NELFCD: variants seen among roughly 807,000 people sequenced by gnomAD.
NELFCD encodes the protein negative elongation factor complex member C/D, also known as negative elongation factor C/D.
In NELFCD, 48 loss-of-function variants were observed where a neutral mutation model predicts 72.9. That is an observed-to-expected ratio of 0.66 (90% CI 0.52 to 0.84). The LOEUF (loss-of-function observed/expected upper bound fraction) is 0.84. NELFCD is among the 40% of genes least tolerant of loss of function. The pLI, the probability that NELFCD is intolerant of heterozygous loss-of-function variation, is 0.00. For missense variants in NELFCD, 538 were observed against 723.8 expected, an observed-to-expected ratio of 0.74 and a Z score of 2.94; for synonymous variants, 297 against 280.6, an observed-to-expected ratio of 1.06 and a Z score of -0.59.
Position 58,991,682 on chromosome 20 carries a change from C to T in NELFCD, c.1090-199C>T, listed in dbSNP as rs917520138. ...TGACTAAAGAAATGAAACTGATTTCCGTAAGACATGGACAAACACTAGTCT... is the reference window on the plus strand; with the variant it reads ...TGACTAAAGAAATGAAACTGATTTCTGTAAGACATGGACAAACACTAGTCT... On this transcript the variant is annotated intron_variant, in intron 9 of 14. Coordinates refer to ENST00000652272, the MANE Select transcript of NELFCD (RefSeq NM_198976.4). 2.1e-5 allele frequency: 16 copies of T among 744,192 alleles called. 1 individual carries two copies. Among genetic ancestry groups the T allele is most frequent in the South Asian group, 1.7e-4 (9 of 52,134 alleles). The allele number at this position is 744,192 out of a possible 1,614,324, so 46.1% of individuals were successfully genotyped here.
chr20:58,994,265 C>G (rs2091840915), intron 14 of NELFCD, 26 bp downstream of exon 14: 1 of 1,608,946 alleles, frequency 6.2e-7, no homozygotes, highest in African/African-American at 1.3e-5. Context: ...TAGCCCTTTA[C>G]TACAATAGAA....
chr20:58,994,360 T>G, intron 14 of NELFCD, 121 bp downstream of exon 14: 1 of 1,040,166 alleles, frequency 9.6e-7, no homozygotes, highest in Non-Finnish European at 1.4e-6. Context: ...GGTTGGGAGT[T>G]CAAGACCAGC....
chr20:58,986,631 C>T lies in NELFCD; in HGVS notation c.177-123C>T. 1 of 774,864 alleles carries T rather than the reference C, an allele frequency of 1.3e-6. No individual in the cohort carries two copies. Among genetic ancestry groups the T allele is most frequent in the Non-Finnish European group, 2.4e-6 (1 of 424,524 alleles). 48.0% of individuals were successfully genotyped at this position (774,864 alleles called of 1,614,324 possible). ...GTGCTGGGATTACAGGTGTGCACCA[C>T]TGCACCCAGCCCCCTCCGCTGCTTT... On this transcript the variant is annotated intron_variant, in intron 2 of 14. Coordinates refer to ENST00000652272, the MANE Select transcript of NELFCD (RefSeq NM_198976.4). The surrounding 1 kb of genome is among the most constrained non-coding windows in gnomAD (Gnocchi z 4.4).
rs35963878 is a variant in NELFCD, at chr20:58,991,359, A to G, written c.1002A>G (p.Lys334=). The part of the protein sequence containing the change: ...FLDLFMQSLF[K]PGARINQDHK... The stretch of plus-strand genomic sequence containing the variant: ...ACCTGTTCATGCAGTCACTCTTTAA[A>G]CCAGGGGCTCGGATCAACCAGGACC... The change falls in exon 9 of 15, where the codon AAA becomes AAG. Residue 334 remains lysine, a synonymous_variant. Coordinates refer to ENST00000652272, the MANE Select transcript of NELFCD (RefSeq NM_198976.4). 9.9e-4 allele frequency: 1,603 copies of G among 1,614,094 alleles called. 1 individual carries two copies. Among genetic ancestry groups the G allele is most frequent in the Non-Finnish European group, 1.3e-3 (1,512 of 1,180,034 alleles).
intron 1 of NELFCD, among the ~76,000 whole-genome samples, chr20:58,984,622 A>C (rs12480267): frequency 0.12 from 17,961 of 152,188 alleles, 1,149 homozygotes; most frequent in Middle Eastern, 0.18. Context: ...TTGTAGGAAG[A>C]AGATCTGTTT....
Position 58,989,995 on chromosome 20 carries a change from G to A in NELFCD, c.788+7G>A. On this transcript the variant is annotated splice_region_variant and intron_variant, in intron 7 of 14. Coordinates refer to ENST00000652272, the MANE Select transcript of NELFCD (RefSeq NM_198976.4). Reference sequence around the variant, plus strand: ...AGCGCTTTGCCCAGGAGAAGTGAGAGGCCCTGTTTCTGCTCAGCCCTTCCT... The same window carrying A: ...AGCGCTTTGCCCAGGAGAAGTGAGAAGCCCTGTTTCTGCTCAGCCCTTCCT... The A allele has an allele frequency of 6.2e-7, 1 of 1,611,360 alleles. No individual in the cohort carries two copies. Among genetic ancestry groups the A allele is most frequent in the Non-Finnish European group, 8.5e-7 (1 of 1,179,942 alleles).
chr20:58,991,564 T>C, intron 9 of NELFCD, 118 bp downstream of exon 9: 1 of 1,173,770 alleles, frequency 8.5e-7, no homozygotes, highest in Non-Finnish European at 1.2e-6. Context: ...ATCAGGCATG[T>C]GTTTTCTTGT....
chr20:58,989,372 G>T, intron 5 of NELFCD, 116 bp from the exon 6 acceptor site: 2 of 1,255,114 alleles, frequency 1.6e-6, no homozygotes, highest in South Asian at 2.7e-5. Context: ...GTGAAGGCCT[G>T]AGACCCACGA....
At chr20:58,983,385 C>T (rs1356137106) in intron 1 of NELFCD, among the ~76,000 whole-genome samples, 1 of 151,810 alleles carries the variant, frequency 6.6e-6, no homozygotes, top group African/African-American at 2.4e-5. Context: ...ATCCGCCTGC[C>T]CCGGCCTCCC....
At chr20:58,988,877 C>A in intron 4 of NELFCD, 37 bp from the exon 5 acceptor site, 1 of 1,450,100 alleles carries the variant, frequency 6.9e-7, no homozygotes, top group Non-Finnish European at 9.7e-7. Context: ...AAAAGTGGGG[C>A]CTCCTCCTAT....
Position 58,981,330 on chromosome 20 carries a change from G to C in NELFCD, c.21G>C (p.Gly7=), listed in dbSNP as rs774385373. Residue 7 remains glycine, a synonymous_variant, in exon 1 of 15, where the codon GGG becomes GGC. Coordinates refer to ENST00000652272, the MANE Select transcript of NELFCD (RefSeq NM_198976.4). The stretch of plus-strand genomic sequence containing the variant: ...CCATCATGGACGAGGACTACTACGG[G>C]AGCGCGGCCGAGTGGGGCGACGAGG... MDEDYY[G]SAAEWGDEAD... is the part of the protein sequence containing the mutation. The C allele has an allele frequency of 1.8e-6, 2 of 1,106,490 alleles. No homozygotes were observed. Among genetic ancestry groups the C allele is most frequent in the Admixed American group, 4.0e-5 (1 of 24,778 alleles). 68.5% of individuals were successfully genotyped at this position (1,106,490 alleles called of 1,614,324 possible). A position where few individuals can be genotyped will look rare whatever the true frequency, so the allele number is the denominator to read the frequency against.
In NELFCD at chr20:58,986,948, T is replaced by C. The variant is rs1362848330; in HGVS notation, c.286+85T>C. The stretch of plus-strand genomic sequence containing the variant: ...TTGGGTCCTTATAACACTGATACAA[T>C]GCCTTCTTTGATTTCCTGGTTTCTG... On this transcript the variant is annotated intron_variant, in intron 3 of 14. Transcript: ENST00000652272. The surrounding 1 kb of genome is among the most constrained non-coding windows in gnomAD (Gnocchi z 4.4). 1.4e-6 allele frequency: 1 copy of C among 721,092 alleles called. No homozygotes were observed. Among genetic ancestry groups the C allele is most frequent in the Admixed American group, 2.9e-5 (1 of 34,634 alleles). The allele number at this position is 721,092 out of a possible 1,614,324, so 44.7% of individuals were successfully genotyped here. A position where few individuals can be genotyped will look rare whatever the true frequency, so the allele number is the denominator to read the frequency against.
At position 58,991,318 on chromosome 20, in the gene NELFCD, G is replaced by A. The variant is rs1297547649; in HGVS notation, c.961G>A (p.Val321Ile). 20 of 1,614,022 alleles carry A rather than the reference G, an allele frequency of 1.2e-5. No individual in the cohort carries two copies. The highest frequency in any genetic ancestry group is 1.4e-5 in the Non-Finnish European group (16 of 1,180,048). The change falls in exon 9 of 15, where the codon GTT becomes ATT. Residue 321 changes from valine to isoleucine, a missense_variant. By Grantham distance (29) the Val-to-Ile change is conservative. This residue lies in a region of NELFCD where 355 missense variants were observed against 534.5 expected (regional missense o/e 0.66). Coordinates refer to ENST00000652272, the MANE Select transcript of NELFCD (RefSeq NM_198976.4). ...GGCATATGCTTCTCCTCAGATCCGC[G>A]TTCCAGCCTTCCTGGACCTGTTCAT... ...MDPPPVELIRVPAFLDLFMQS... is the reference protein window; with the variant it reads ...MDPPPVELIRIPAFLDLFMQS...
intron 6 of NELFCD, 63 bp downstream of exon 6, chr20:58,989,703 C>T (rs1277317010): frequency 1.4e-5 from 23 of 1,610,036 alleles, no homozygotes; most frequent in Non-Finnish European, 2.0e-5. Flanking sequence ...GGTTTTCAAG[C>T]ATGAGATGCT....
chr20:58,993,523 C>T lies in NELFCD; in HGVS notation c.1419C>T (p.Ser473=). The change falls in exon 12 of 15, where the codon TCC becomes TCT. Residue 473 remains serine, a synonymous_variant. Coordinates refer to ENST00000652272, the MANE Select transcript of NELFCD (RefSeq NM_198976.4). The surrounding 1 kb of genome is among the most constrained non-coding windows in gnomAD (Gnocchi z 5.0). ...LLVKLFETEH[S]QLDVMEQLEL... is the part of the protein sequence containing the mutation. The stretch of plus-strand genomic sequence containing the variant: ...TTAAGCTTTTTGAGACTGAGCACTC[C>T]CAGCTGGACGTGATGGAGCAGGTGA... 1 of 1,614,220 alleles carries T rather than the reference C, an allele frequency of 6.2e-7. No homozygotes were observed. Among genetic ancestry groups the T allele is most frequent in the Non-Finnish European group, 8.5e-7 (1 of 1,180,040 alleles).
At position 58,989,756 on chromosome 20, in the gene NELFCD, G is replaced by A. The variant is rs775101513; in HGVS notation, c.658-102G>A. 2.7e-5 allele frequency: 44 copies of A among 1,605,584 alleles called. No homozygotes were observed. The South Asian group carries it at 3.2e-4, about 12-fold the overall frequency. On this transcript the variant is annotated intron_variant, in intron 6 of 14. Coordinates refer to ENST00000652272, the MANE Select transcript of NELFCD (RefSeq NM_198976.4). ...CTCCATTTCTGAGGGCACCTTCCAG[G>A]ATGCTCACTCCCGGGCCCGAGCACG...
rs766644663 is a variant in NELFCD at position 58,989,957 on chromosome 20, G to A, written c.757G>A (p.Ala253Thr). The stretch of plus-strand genomic sequence containing the variant: ...GGGGGGCTCCGCTGTGCGCAGGATC[G>A]CCCAGGAAGTGCAGCGCTTTGCCCA... ...EQGGSAVRRI[A>T]QEVQRFAQEK... The change falls in exon 7 of 15, where the codon GCC becomes ACC. Residue 253 changes from alanine to threonine, a missense_variant. By Grantham distance (58) the Ala-to-Thr change is moderately conservative (BLOSUM62 0). This residue lies in a region of NELFCD where 355 missense variants were observed against 534.5 expected (regional missense o/e 0.66). Transcript: ENST00000652272. 2.5e-5 allele frequency: 40 copies of A among 1,613,612 alleles called. No individual in the cohort carries two copies. In the East Asian group the frequency reaches 4.2e-4, roughly 17 times the overall value.
At chr20:58,990,120 G>T in intron 7 of NELFCD, 132 bp downstream of exon 7, 1 of 1,246,034 alleles carries the variant, frequency 8.0e-7, no homozygotes, top group South Asian at 1.4e-5. Flanking sequence ...CTTTTGGCTG[G>T]GCGTGGTGGC....
At chr20:58,992,095 C>CA in intron 10 of NELFCD, 75 bp downstream of exon 10, 1 of 1,434,286 alleles carries the variant, frequency 7.0e-7, no homozygotes. Context: ...ATTGAAAGCT[C>CA]AAATAACAAA....
Sources: gnomAD v4.1 joint callset for allele counts (sites outside exome capture counted in the v4.1 genomes callset) on GRCh38, gnomAD v4.1.1 for gene constraint, gnomAD v4.1.1 regional missense constraint, Gnocchi (gnomAD v3.1) non-coding constraint, MANE v1.5 for transcripts, NCBI Gene and HGNC (gene_info 2026-07-23, HGNC 2026-07-21) for gene names.